The following DIXDC1 variants were observed in gnomAD, a reference collection of about 807,000 sequenced individuals.
DIXDC1 encodes the protein DIX domain containing 1, also known as dixin.
In DIXDC1, 64 loss-of-function variants were observed where a neutral mutation model predicts 103.1. The observed-to-expected ratio is 0.62, with a 90% CI of 0.51 to 0.76. The LOEUF (loss-of-function observed/expected upper bound fraction) is 0.76. Among genes scored for constraint, DIXDC1 ranks in the 30% least tolerant of loss-of-function variants. The probability of loss-of-function intolerance (pLI) is 0.00; values close to 1 mark genes in which losing one functional copy is unlikely to be tolerated. For synonymous variants in DIXDC1, 266 were observed against 298.5 expected, an observed-to-expected ratio of 0.89 and a Z score of 1.12; for missense variants, 759 against 834.2, an observed-to-expected ratio of 0.91 and a Z score of 1.11.
At chr11:111,987,944 A>G (rs1860552775) in intron 9 of DIXDC1, among the ~76,000 whole-genome samples, 1 of 151,096 alleles carries the variant, frequency 6.6e-6, no homozygotes, top group South Asian at 2.1e-4. Context: ...AGCGTGAGCC[A>G]CTGTGCCTGG....
intron 5 of DIXDC1, chr11:111,975,756 C>T (rs1555172543): frequency 1.0e-6 from 1 of 985,160 alleles, no homozygotes; most frequent in Non-Finnish European, 1.2e-6. Context: ...CTAATTGTTC[C>T]TTGTCTTGTA....
chr11:112,006,814 C>G (rs1861252672), intron 17 of DIXDC1, among the ~76,000 whole-genome samples: 1 of 152,154 alleles, frequency 6.6e-6, no homozygotes, highest in South Asian at 2.1e-4. Flanking sequence ...TCACCAACAT[C>G]AAAGACCAAA....
intron 4 of DIXDC1, 86 bp from the exon 5 acceptor site, chr11:111,974,790 G>A (rs782529189): frequency 1.6e-5 from 25 of 1,551,378 alleles, no homozygotes; most frequent in Admixed American, 1.2e-4. Context: ...TATACTGCTC[G>A]CAGAGTGGCA....
At chr11:111,968,696 C>CCTG in intron 3 of DIXDC1, 58 bp downstream of exon 3, 2 of 1,499,220 alleles carry the variant, frequency 1.3e-6, no homozygotes, top group South Asian at 1.4e-5. Context: ...GAGTGCTAGC[C>CCTG]TCAGGAAAAT....
At chr11:111,972,396 G>A (rs1592581085) in intron 3 of DIXDC1, among the ~76,000 whole-genome samples, 1 of 152,126 alleles carries the variant, frequency 6.6e-6, no homozygotes, top group East Asian at 1.9e-4. Flanking sequence ...TGCCATTTAG[G>A]ACATCATTGT....
chr11:111,972,473 C>G (rs967945132), intron 3 of DIXDC1, among the ~76,000 whole-genome samples: 3 of 152,168 alleles, frequency 2.0e-5, no homozygotes, highest in Non-Finnish European at 4.4e-5. Flanking sequence ...CCCTTCTCAT[C>G]TGCTCTCCAC....
chr11:112,017,690 TGGCAGGGGG>T lies in DIXDC1; in HGVS notation c.1863-86_1863-78del. The T allele has an allele frequency of 9.0e-7, 1 of 1,111,466 alleles. No homozygotes were observed. Among genetic ancestry groups the T allele is most frequent in the East Asian group, 2.7e-5 (1 of 37,080 alleles). 68.9% of individuals were successfully genotyped at this position (1,111,466 alleles called of 1,614,324 possible). ...AGGGGCTATTTCTGCTTATTGACTT[TGGCAGGGGG>T]CTGTGTTTAAAGTTAACATCTTATC... On this transcript the variant is annotated intron_variant, in intron 18 of 19. Coordinates refer to ENST00000440460, the MANE Select transcript of DIXDC1 (RefSeq NM_001037954.4). The surrounding 1 kb of genome is among the most constrained non-coding windows in gnomAD (Gnocchi z 4.0).
At chr11:112,016,610 C>CT in intron 17 of DIXDC1, 81 bp from the exon 18 acceptor site, 1 of 1,236,934 alleles carries the variant, frequency 8.1e-7, no homozygotes, top group Non-Finnish European at 1.1e-6. Context: ...CAGCTTTGTT[C>CT]TCCCGGGACA....
In DIXDC1 at chr11:111,984,317, G is replaced by A. The variant is rs183794741; in HGVS notation, c.919-915G>A. ...CCCCAGCACTTTGGGAGGCTGAGGC[G>A]GGTGGATTGCTTGAACTCACAGGTT... On this transcript the variant is annotated intron_variant, in intron 7 of 19. Coordinates refer to ENST00000440460, the MANE Select transcript of DIXDC1 (RefSeq NM_001037954.4). Among the ~76,000 whole-genome samples, 56 of 152,272 alleles carry A rather than the reference G, an allele frequency of 3.7e-4. 2 individuals are homozygous for A. In the East Asian group the frequency reaches 0.01, roughly 28 times the overall value.
intron 9 of DIXDC1, 141 bp downstream of exon 9, chr11:111,987,065 A>G: frequency 1.9e-6 from 1 of 536,978 alleles, no homozygotes; most frequent in South Asian, 2.2e-5. Flanking sequence ...CCTGGCTAAC[A>G]TGGTGAAACC....
At chr11:111,979,854 T>G (rs868963377) in intron 5 of DIXDC1, among the ~76,000 whole-genome samples, 1 of 152,086 alleles carries the variant, frequency 6.6e-6, no homozygotes, top group South Asian at 2.1e-4. Flanking sequence ...CTCAGGAGGC[T>G]GAGGCAGGAG....
At chr11:111,969,733 G>C (rs1329729772) in intron 3 of DIXDC1, among the ~76,000 whole-genome samples, 2 of 152,270 alleles carry the variant, frequency 1.3e-5, no homozygotes, top group East Asian at 3.9e-4. Context: ...GCTCATGTTG[G>C]ATTATTATAT....
In DIXDC1 at chr11:112,011,608, G is replaced by A. The variant is rs1385688104; in HGVS notation, c.1757-5083G>A. ...GAAAATGTGGCACATATACACCATG[G>A]AATACTATGCAGCCATAAAAAAGGA... On this transcript the variant is annotated intron_variant, in intron 17 of 19. Transcript: ENST00000440460. 2.6e-5 allele frequency among the ~76,000 whole-genome samples: 4 copies of A among 152,158 alleles called. No homozygotes were observed. In the East Asian group the frequency reaches 7.7e-4, roughly 29 times the overall value.
intron 17 of DIXDC1, among the ~76,000 whole-genome samples, chr11:112,004,090 GTA>G (rs200194840): frequency 2.5e-4 from 37 of 145,634 alleles, no homozygotes; most frequent in Non-Finnish European, 4.6e-4. Flanking sequence ...GTGTATATGT[GTA>G]TATATATGTG....
intron 1 of DIXDC1, among the ~76,000 whole-genome samples, chr11:111,948,397 T>C (rs1966669573): frequency 1.3e-5 from 2 of 152,214 alleles, no homozygotes. Context: ...TGGCCCAGAC[T>C]TTACCGTCAG....
rs1555172589 is a variant in DIXDC1 at position 111,976,194 on chromosome 11, A to G, written c.656+1211A>G. 6.6e-6 allele frequency among the ~76,000 whole-genome samples: 1 copy of G among 152,066 alleles called. No individual in the cohort carries two copies. The highest frequency in any genetic ancestry group is 2.4e-5 in the African/African-American group (1 of 41,386). ...GCGGAATTACAGGATGTTTTGTTGT[A>G]TTGCTTCCTGCACTTCTGCAGGCCT... On this transcript the variant is annotated intron_variant, in intron 5 of 19. Transcript: ENST00000440460. The surrounding 1 kb of genome is among the most constrained non-coding windows in gnomAD (Gnocchi z 4.3).
In DIXDC1 at chr11:111,995,250, C is replaced by T. The variant is rs1381505672; in HGVS notation, c.1527+142C>T. On this transcript the variant is annotated intron_variant, in intron 15 of 19. Coordinates refer to ENST00000440460, the MANE Select transcript of DIXDC1 (RefSeq NM_001037954.4). ...GTGGAGTGTGTAAAGATGTGAGGCA[C>T]TTGCTATCCAAAATTAAGAATTAGT... 2.8e-5 allele frequency: 37 copies of T among 1,318,016 alleles called. No individual in the cohort carries two copies. The East Asian group carries it at 7.9e-4, about 28-fold the overall frequency. 81.6% of individuals were successfully genotyped at this position (1,318,016 alleles called of 1,614,324 possible).
intron 17 of DIXDC1, among the ~76,000 whole-genome samples, chr11:112,001,162 G>T (rs587654814): frequency 1.4e-4 from 22 of 152,296 alleles, no homozygotes; most frequent in Non-Finnish European, 2.9e-4. Context: ...GATGAACTTG[G>T]AAAACATTAT....
At chr11:111,997,317 C>G (rs1555175485) in intron 17 of DIXDC1, among the ~76,000 whole-genome samples, 1 of 152,098 alleles carries the variant, frequency 6.6e-6, no homozygotes, top group African/African-American at 2.4e-5. Flanking sequence ...GTTATCTATG[C>G]TGGGAATGAA....
Sources: gnomAD v4.1 joint callset for allele counts (sites outside exome capture counted in the v4.1 genomes callset) on GRCh38, gnomAD v4.1.1 for gene constraint, Gnocchi (gnomAD v3.1) non-coding constraint, MANE v1.5 for transcripts, NCBI Gene and HGNC (gene_info 2026-07-23, HGNC 2026-07-21) for gene names.